MYO5A: variants seen among roughly 807,000 people sequenced by gnomAD.
MYO5A encodes the protein unconventional myosin-Va.
In MYO5A, 98 loss-of-function variants were observed where a neutral mutation model predicts 249.7. The observed-to-expected ratio is 0.39, with a 90% CI of 0.33 to 0.46. MYO5A has a LOEUF of 0.46. Ranked by LOEUF, MYO5A falls within the 20% of genes least tolerant of loss-of-function variation. The pLI, the probability that MYO5A is intolerant of heterozygous loss-of-function variation, is 0.98. For missense variants in MYO5A, 1,696 were observed against 2,308.8 expected (o/e 0.73, Z 5.44); for synonymous variants, 778 against 810.6 (o/e 0.96, Z 0.68).
At chr15:52,322,839 T>C (rs1014891272) in intron 37 of MYO5A, among the ~76,000 whole-genome samples, 4 of 152,080 alleles carry the variant, frequency 2.6e-5, no homozygotes, top group South Asian at 2.1e-4. Context: ...ATTTTCTTTT[T>C]TTTTTTTAAA....
chr15:52,523,120 T>C (rs2077656429), intron 1 of MYO5A, among the ~76,000 whole-genome samples: 1 of 152,236 alleles, frequency 6.6e-6, no homozygotes, highest in South Asian at 2.1e-4. Flanking sequence ...CTGGAGCTAC[T>C]GGCATTATTT....
At chr15:52,429,195 C>A (rs965947322) in intron 2 of MYO5A, among the ~76,000 whole-genome samples, 2 of 151,964 alleles carry the variant, frequency 1.3e-5, no homozygotes, top group Non-Finnish European at 2.9e-5. Context: ...CAAGACAATT[C>A]ATAGTTTTCA....
At chr15:52,324,947 CT>C (rs2038525777) in intron 36 of MYO5A, among the ~76,000 whole-genome samples, 2 of 152,172 alleles carry the variant, frequency 1.3e-5, no homozygotes, top group African/African-American at 4.8e-5. Context: ...GGTATATAGT[CT>C]TCCAATGTAG....
chr15:52,528,818 C>T lies in MYO5A; in HGVS notation c.-12G>A. ...TCCGACGCAGCCATGGCGGGCCCCG[C>T]GCGCCTACGCCCCCCGCCTGTGCGG... On this transcript the variant is annotated 5_prime_UTR_variant, in exon 1 of 42. Transcript: ENST00000399233. The T allele has an allele frequency of 6.7e-7, 1 of 1,486,318 alleles. No homozygotes were observed. Among genetic ancestry groups the T allele is most frequent in the Non-Finnish European group, 8.9e-7 (1 of 1,124,278 alleles). The allele number at this position is 1,486,318 out of a possible 1,614,324, so 92.1% of individuals were successfully genotyped here. A position where few individuals can be genotyped will look rare whatever the true frequency, so the allele number is the denominator to read the frequency against.
intron 1 of MYO5A, among the ~76,000 whole-genome samples, chr15:52,482,054 G>T (rs779663523): frequency 6.6e-5 from 10 of 152,190 alleles, no homozygotes; most frequent in Non-Finnish European, 2.9e-5. Context: ...TAAAGAGGAA[G>T]TGGCTAGGCA....
chr15:52,408,111 G>A lies in MYO5A; in HGVS notation c.786C>T (p.Phe262=). 6.2e-7 allele frequency: 1 copy of A among 1,607,880 alleles called. No homozygotes were observed. The part of the protein sequence containing the change: ...QAEEERNYHI[F]YQLCASAKLP... ...ACTTTGCTGAGGCACAAAGCTGATA[G>A]AAGATATGATAGTTTCTCTCCTCTT... The change falls in exon 7 of 42, where the codon TTC becomes TTT. Residue 262 remains phenylalanine (F), a synonymous_variant. Coordinates refer to ENST00000399233, the MANE Select transcript of MYO5A (RefSeq NM_001382347.1).
intron 38 of MYO5A, 129 bp downstream of exon 38, chr15:52,321,229 TA>T: frequency 8.3e-7 from 1 of 1,200,702 alleles, no homozygotes; most frequent in Non-Finnish European, 1.2e-6. Context: ...CGGCTAATTT[TA>T]GCCCTGTATC....
chr15:52,395,367 A>G (rs1425047884), intron 11 of MYO5A, among the ~76,000 whole-genome samples: 1 of 152,214 alleles, frequency 6.6e-6, no homozygotes, highest in Non-Finnish European at 1.5e-5. Context: ...GTCTTTAAAC[A>G]TCTGGTTTGT....
rs748503608 is a variant in MYO5A, at chr15:52,397,448, A to C, written c.1072T>G (p.Cys358Gly). 6.2e-7 allele frequency: 1 copy of C among 1,614,098 alleles called. No homozygotes were observed. Among genetic ancestry groups the C allele is most frequent in the South Asian group, 1.1e-5 (1 of 91,074 alleles). ...CTIPPKHEPL[C>G]IFCELMGVDY... ...ACACCCATGAGTTCACAGAAGATGC[A>C]GAGAGGTTCATGCTTGGGCTGCCAA... The change falls in exon 10 of 42, where the codon TGC becomes GGC. Residue 358 changes from cysteine to glycine, a missense_variant. Transcript: ENST00000399233.
At chr15:52,401,413 T>C (rs1478090269) in intron 9 of MYO5A, among the ~76,000 whole-genome samples, 1 of 152,140 alleles carries the variant, frequency 6.6e-6, no homozygotes, top group African/African-American at 2.4e-5. Context: ...CAATTTCAAT[T>C]CATTCTAGAA....
intron 1 of MYO5A, among the ~76,000 whole-genome samples, chr15:52,520,949 G>A (rs2077605120): frequency 6.6e-6 from 1 of 152,098 alleles, no homozygotes; most frequent in African/African-American, 2.4e-5. Flanking sequence ...CTACTATAGG[G>A]CTGGGCACAG....
chr15:52,329,513 G>A (rs776235789), intron 35 of MYO5A, among the ~76,000 whole-genome samples: 1 of 152,220 alleles, frequency 6.6e-6, no homozygotes, highest in Non-Finnish European at 1.5e-5. Context: ...TAAAGGCAGT[G>A]TGCTGCCCTG....
In MYO5A at chr15:52,448,085, C is replaced by G. The variant is rs187894520; in HGVS notation, c.28-14800G>C. Among the ~76,000 whole-genome samples the G allele has an allele frequency of 2.8e-4, 43 of 152,338 alleles. No individual in the cohort carries two copies. In the East Asian group the frequency reaches 7.9e-3, roughly 28 times the overall value. On this transcript the variant is annotated intron_variant, in intron 1 of 41. Transcript: ENST00000399233. ...CAGAATGGTAGACAGTGACAGCTTA[C>G]ACCATGTGCCTGGAAAAGCCAAAGG...
At chr15:52,405,502 G>C in intron 8 of MYO5A, 109 bp from the exon 9 acceptor site, 1 of 813,346 alleles carries the variant, frequency 1.2e-6, no homozygotes, top group Non-Finnish European at 2.1e-6. Flanking sequence ...GCCAGATGTT[G>C]TGCATATTAT....
intron 1 of MYO5A, among the ~76,000 whole-genome samples, chr15:52,514,653 C>T (rs1185326754): frequency 6.6e-6 from 1 of 152,176 alleles, no homozygotes; most frequent in Non-Finnish European, 1.5e-5. Flanking sequence ...AGCCTCACTG[C>T]TCAAGGTGTG....
chr15:52,334,390 C>T (rs1047767949), intron 34 of MYO5A, among the ~76,000 whole-genome samples: 2 of 151,940 alleles, frequency 1.3e-5, no homozygotes, highest in African/African-American at 4.8e-5. Flanking sequence ...ATAATTGGTG[C>T]AAAGTGCAAA....
chr15:52,439,327 T>C (rs1023361124), intron 1 of MYO5A, among the ~76,000 whole-genome samples: 8 of 152,224 alleles, frequency 5.3e-5, no homozygotes, highest in Admixed American at 1.3e-4. Context: ...TCTCTTTCAG[T>C]GATCCCCGTT....
chr15:52,504,852 G>A (rs1595809742), intron 1 of MYO5A, among the ~76,000 whole-genome samples: 1 of 150,598 alleles, frequency 6.6e-6, no homozygotes, highest in South Asian at 2.1e-4. Flanking sequence ...TCGCACCACT[G>A]CACTCCAGCC....
intron 2 of MYO5A, among the ~76,000 whole-genome samples, chr15:52,431,907 T>A (rs1006466930): frequency 6.6e-6 from 1 of 151,680 alleles, no homozygotes; most frequent in Non-Finnish European, 1.5e-5. Context: ...CTGGGAGGCA[T>A]GATCAAGCCA....
Sources: allele counts gnomAD v4.1 joint callset (sites outside exome capture counted in the v4.1 genomes callset), GRCh38; gene constraint gnomAD v4.1.1; transcripts MANE v1.5; gene names NCBI Gene and HGNC (gene_info 2026-07-23, HGNC 2026-07-21).